LIMS2: variants seen among roughly 807,000 people sequenced by gnomAD.
The protein encoded by LIMS2 is LIM zinc finger domain containing 2, also known as LIM and senescent cell antigen-like-containing domain protein 2.
In LIMS2, 30 loss-of-function variants were observed where a neutral mutation model predicts 45.3. That is an observed-to-expected ratio of 0.66 (90% CI 0.50 to 0.90). The LOEUF is 0.90. Ranked by LOEUF, LIMS2 falls within the 40% of genes least tolerant of loss-of-function variation. The pLI is 0.00. For missense variants in LIMS2, 485 were observed against 468.7 expected, an observed-to-expected ratio of 1.03 and a Z score of -0.32; for synonymous variants, 173 against 188.0, an observed-to-expected ratio of 0.92 and a Z score of 0.65.
At chr2:127,648,048 C>T (rs1683192005) in intron 4 of LIMS2, 3 of 985,838 alleles carry the variant, frequency 3.0e-6, no homozygotes, top group Non-Finnish European at 3.6e-6. Context: ...CCGCCTTCTT[C>T]GGCCCTCAGC....
chr2:127,654,760 GGCCCCCT>G (rs758945700), intron 3 of LIMS2, 63 bp downstream of exon 3: 1 of 1,545,542 alleles, frequency 6.5e-7, no homozygotes, highest in East Asian at 2.3e-5. Flanking sequence ...GTACCCCCTC[GGCCCCCT>G]GCCCCCCGCC....
Position 127,642,532 on chromosome 2 carries a change from G to A in LIMS2, c.510-333C>T. ...GAGGACTGGAGGGGACGGTGGGGGT[G>A]GGCGAGGACGGGGGCTGAGGGGCTG... On this transcript the variant is annotated intron_variant, in intron 5 of 9. Transcript: ENST00000355119. The surrounding 1 kb of genome is among the most constrained non-coding windows in gnomAD (Gnocchi z 5.3). 5.3e-6 allele frequency: 2 copies of A among 375,282 alleles called. No homozygotes were observed. The highest frequency in any genetic ancestry group is 1.0e-4 in the South Asian group (2 of 19,558). 23.2% of individuals were successfully genotyped at this position (375,282 alleles called of 1,614,324 possible). A position where few individuals can be genotyped will look rare whatever the true frequency, so the allele number is the denominator to read the frequency against.
At chr2:127,649,113 AAAT>A (rs1171709380) in intron 4 of LIMS2, among the ~76,000 whole-genome samples, 1 of 151,136 alleles carries the variant, frequency 6.6e-6, no homozygotes, top group African/African-American at 2.4e-5. Context: ...GAAAAAAGGA[AAAT>A]AAAGAAAAGC....
chr2:127,655,649 G>A (rs1319167233), intron 2 of LIMS2: 3 of 152,736 alleles, frequency 2.0e-5, no homozygotes, highest in African/African-American at 7.2e-5. Flanking sequence ...TGCTGTGTGT[G>A]AGAGAGAGAG....
In LIMS2 at chr2:127,640,146, CTG is replaced by C; in HGVS notation, c.803-3_803-2del. The C allele has an allele frequency of 6.2e-7, 1 of 1,613,354 alleles. No homozygotes were observed. Among genetic ancestry groups the C allele is most frequent in the Non-Finnish European group, 8.5e-7 (1 of 1,180,018 alleles). On this transcript the variant is annotated splice_acceptor_variant and splice_polypyrimidine_tract_variant and intron_variant, in intron 8 of 9. Transcript: ENST00000355119. LOFTEE classifies it high-confidence loss of function. ...CAGGCCTTGTTGAGGGCCGACACCA[CTG>C]TGAGGGAAGCGTGGGACTCAGCAGG... is the stretch of plus-strand genomic sequence containing the variant.
intron 1 of LIMS2, among the ~76,000 whole-genome samples, chr2:127,680,993 G>A (rs1170958085): frequency 6.6e-6 from 1 of 152,204 alleles, no homozygotes; most frequent in Non-Finnish European, 1.5e-5. Context: ...CACATACTGA[G>A]GGTCACTTTG....
At chr2:127,640,481 A>G (rs1682295848) in intron 7 of LIMS2, 163 bp from the exon 8 acceptor site, 1 of 716,336 alleles carries the variant, frequency 1.4e-6, no homozygotes, top group African/African-American at 1.8e-5. Context: ...ACGGCAACCC[A>G]TGAGAACCAC....
At position 127,654,812 on chromosome 2, in the gene LIMS2, T is replaced by C. The variant is rs1418867331; in HGVS notation, c.238+18A>G. On this transcript the variant is annotated intron_variant, in intron 3 of 9. Coordinates refer to ENST00000355119, the MANE Select transcript of LIMS2 (RefSeq NM_001161403.3). ...CACTTCCCAGGCAGCCCAGGATGTG[T>C]ACTGTCACCGGCCTTACCGCAGGAT... 2 of 1,613,628 alleles carry C rather than the reference T, an allele frequency of 1.2e-6. No individual in the cohort carries two copies. The highest frequency in any genetic ancestry group is 1.7e-6 in the Non-Finnish European group (2 of 1,179,622).
chr2:127,660,036 C>A (rs532371367), intron 1 of LIMS2, among the ~76,000 whole-genome samples: 1 of 152,360 alleles, frequency 6.6e-6, no homozygotes, highest in South Asian at 2.1e-4. Flanking sequence ...TCCCCAGTTA[C>A]CTTGCTTCCC....
Position 127,640,276 on chromosome 2 carries a change from C to G in LIMS2, c.796G>C (p.Gly266Arg), listed in dbSNP as rs759244890. ...AGGGAACACAGGGCCTCACCATCGC[C>G]TTCAATCACATGGCTGCAGTTGTAG... ...VCYNCSHVIE[G>R]DVVSALNKAW... The change falls in exon 8 of 10, where the codon GGC becomes CGC. Residue 266 changes from glycine (G) to arginine (R), a missense_variant. Transcript: ENST00000355119. 1 of 1,613,364 alleles carries G rather than the reference C, an allele frequency of 6.2e-7. No individual in the cohort carries two copies.
At chr2:127,640,441 AG>A in intron 7 of LIMS2, 123 bp from the exon 8 acceptor site, 2 of 1,064,182 alleles carry the variant, frequency 1.9e-6, no homozygotes, top group Non-Finnish European at 2.8e-6. Flanking sequence ...CCTGCCTCCC[AG>A]GGCCCAGCTG....
rs918003095 is a variant in LIMS2 at position 127,675,473 on chromosome 2, G to A, written c.-449C>T. 6.6e-6 allele frequency among the ~76,000 whole-genome samples: 1 copy of A among 152,040 alleles called. No homozygotes were observed. The highest frequency in any genetic ancestry group is 1.5e-5 in the Non-Finnish European group (1 of 67,940). On this transcript the variant is annotated 5_prime_UTR_variant, in exon 1 of 10. Coordinates refer to ENST00000355119, the MANE Select transcript of LIMS2 (RefSeq NM_001161403.3). ...AGCCCCAGCTCCAGGGACACGGAGC[G>A]CGGCCAGCGGCGGGCGCGGGTCAAG...
chr2:127,674,923 G>T, intron 1 of LIMS2, 91 bp downstream of exon 1: 1 of 1,222,034 alleles, frequency 8.2e-7, no homozygotes, highest in Non-Finnish European at 1.0e-6. Context: ...GGATCGTGGC[G>T]CCGCGGGGCT....
chr2:127,640,193 G>A (rs1682266617), intron 8 of LIMS2, 48 bp from the exon 9 acceptor site: 1 of 1,612,080 alleles, frequency 6.2e-7, no homozygotes, highest in Non-Finnish European at 8.5e-7. Context: ...GCTGCCGCAG[G>A]CCCGGCTGGG....
intron 1 of LIMS2, among the ~76,000 whole-genome samples, chr2:127,681,073 C>G (rs1051972509): frequency 4.6e-5 from 7 of 152,186 alleles, no homozygotes; most frequent in Non-Finnish European, 1.0e-4. Flanking sequence ...GAGCAGCTGC[C>G]CATCCCAAGC....
intron 1 of LIMS2, chr2:127,674,699 G>T (rs530385180): frequency 2.0e-6 from 2 of 985,444 alleles, no homozygotes; most frequent in Admixed American, 6.1e-5. Context: ...CCCGTGGTTG[G>T]TGTCTGACCT....
intron 4 of LIMS2, chr2:127,652,226 G>C (rs565798450): frequency 4.2e-5 from 8 of 189,930 alleles, no homozygotes; most frequent in Non-Finnish European, 7.4e-5. Context: ...GGTACTCTGA[G>C]TCCCCTCTGT....
chr2:127,673,794 A>G, intron 1 of LIMS2: 1 of 1,517,880 alleles, frequency 6.6e-7, no homozygotes, highest in Non-Finnish European at 8.9e-7. Flanking sequence ...TGCTCTGAGG[A>G]AAATGGGAGG....
intron 2 of LIMS2, among the ~76,000 whole-genome samples, chr2:127,657,025 C>T (rs1684303012): frequency 1.3e-5 from 2 of 152,222 alleles, no homozygotes; most frequent in African/African-American, 2.4e-5. Flanking sequence ...CTGAGCACCA[C>T]CGCACCCCAC....
Sources: gnomAD v4.1 joint callset for allele counts (sites outside exome capture counted in the v4.1 genomes callset) on GRCh38, gnomAD v4.1.1 for gene constraint, Gnocchi (gnomAD v3.1) non-coding constraint, MANE v1.5 for transcripts, NCBI Gene and HGNC (gene_info 2026-07-23, HGNC 2026-07-21) for gene names.